Variants in FASTKD1 observed in about 807,000 individuals in gnomAD.
The protein encoded by FASTKD1 is FAST kinase domains 1, also known as FAST kinase domain-containing protein 1, mitochondrial.
In FASTKD1, 94 loss-of-function variants were observed where a neutral mutation model predicts 90.9. The observed-to-expected ratio is 1.03, with a 90% CI of 0.88 to 1.23. FASTKD1 has a LOEUF of 1.23. Among genes scored for constraint, FASTKD1 ranks in the 50% most tolerant of loss-of-function variants. The pLI, the probability that FASTKD1 is intolerant of heterozygous loss-of-function variation, is 0.00. For missense variants in FASTKD1, 945 were observed against 993.5 expected (o/e 0.95, Z 0.66); for synonymous variants, 319 against 345.8 (o/e 0.92, Z 0.86).
intron 12 of FASTKD1, among the ~76,000 whole-genome samples, chr2:169,536,614 T>C (rs947510665): frequency 3.3e-5 from 5 of 152,210 alleles, no homozygotes; most frequent in African/African-American, 1.2e-4. Flanking sequence ...ATGTTAATTA[T>C]CTTGAAATTT....
intron 7 of FASTKD1, among the ~76,000 whole-genome samples, chr2:169,547,754 G>A (rs995152701): frequency 6.6e-6 from 1 of 151,540 alleles, no homozygotes; most frequent in Non-Finnish European, 1.5e-5. Flanking sequence ...GCATGGTGAT[G>A]TGCACCTGTA....
chr2:169,558,792 T>G (rs1034688748), intron 5 of FASTKD1, among the ~76,000 whole-genome samples: 3 of 151,768 alleles, frequency 2.0e-5, no homozygotes, highest in Non-Finnish European at 2.9e-5. Context: ...TTTCACCATG[T>G]TGGCCAGGCT....
At chr2:169,551,180 G>A (rs1685474411) in intron 7 of FASTKD1, among the ~76,000 whole-genome samples, 1 of 152,142 alleles carries the variant, frequency 6.6e-6, no homozygotes, top group African/African-American at 2.4e-5. Flanking sequence ...TGTACATTCT[G>A]TTAGTGGGAG....
At chr2:169,564,987 CTT>C (rs1683892310) in intron 3 of FASTKD1, among the ~76,000 whole-genome samples, 1 of 129,272 alleles carries the variant, frequency 7.7e-6, no homozygotes, top group Admixed American at 8.8e-5. Flanking sequence ...CAGTTTCGCT[CTT>C]GTTGCCCCAG....
intron 7 of FASTKD1, 27 bp from the exon 8 acceptor site, chr2:169,546,731 C>T: frequency 1.3e-6 from 2 of 1,573,650 alleles, no homozygotes; most frequent in African/African-American, 1.4e-5. Flanking sequence ...GAAAAGAATA[C>T]ATCAGCAACA....
chr2:169,530,249 G>T (rs1441112297), intron 14 of FASTKD1, among the ~76,000 whole-genome samples: 2 of 152,064 alleles, frequency 1.3e-5, no homozygotes, highest in Admixed American at 1.3e-4. Flanking sequence ...GTAAGATATA[G>T]AAATCATAAG....
chr2:169,571,817 T>C lies in FASTKD1; in HGVS notation c.213A>G (p.Ala71=), dbSNP rs749692287. The C allele has an allele frequency of 9.8e-5, 158 of 1,613,964 alleles. No individual in the cohort carries two copies. Among genetic ancestry groups the C allele is most frequent in the Non-Finnish European group, 1.3e-4 (157 of 1,179,994 alleles). ...TTTGAAGCTTCCAAAGCATATCAAA[T>C]GCACATCCCACTTGCTTTTCTGAAA... is the stretch of plus-strand genomic sequence containing the variant. ...AILSEKQVGC[A]FDMLWKLQKQ... is the part of the protein sequence containing the mutation. Residue 71 remains alanine (A), a synonymous_variant, in exon 2 of 15, where the codon GCA becomes GCG. Transcript: ENST00000453153.
rs758255578 is a variant in FASTKD1 at position 169,531,378 on chromosome 2, T to C, written c.2301A>G (p.Gly767=). 50 of 1,613,476 alleles carry C rather than the reference T, an allele frequency of 3.1e-5. No individual in the cohort carries two copies. Among genetic ancestry groups the C allele is most frequent in the Non-Finnish European group, 3.0e-5 (35 of 1,179,870 alleles). The change falls in exon 13 of 15, where the codon GGA becomes GGG. Residue 767 remains glycine, a synonymous_variant. Transcript: ENST00000453153. ...TTTCAGCCCCTGGTGGCAGCCTTGA[T>C]CCAACTATTTCGATATTTGATTCCC... The part of the protein sequence containing the change: ...MPWESNIEIV[G]SRLPPGAERI...
At chr2:169,549,849 C>T (rs1478940728) in intron 7 of FASTKD1, among the ~76,000 whole-genome samples, 3 of 152,156 alleles carry the variant, frequency 2.0e-5, no homozygotes, top group African/African-American at 7.2e-5. Context: ...TACAGGCATT[C>T]TCATTCACTA....
chr2:169,560,750 AAAG>A lies in FASTKD1; in HGVS notation c.605_607del (p.Ser202del). ...TTGTTGTTGAAAATGTCGTGATATTAAAGAAGATATGTTGACCATCAAGACAGA... is the reference window on the plus strand; with the variant it reads ...TTGTTGTTGAAAATGTCGTGATATTAAAGATATGTTGACCATCAAGACAGA... On this transcript the variant is annotated inframe_deletion, in exon 5 of 15. Transcript: ENST00000453153. 1.9e-6 allele frequency: 3 copies of A among 1,592,264 alleles called. No homozygotes were observed. Among genetic ancestry groups the A allele is most frequent in the Non-Finnish European group, 2.6e-6 (3 of 1,171,506 alleles).
chr2:169,547,390 A>G (rs992327361), intron 7 of FASTKD1, among the ~76,000 whole-genome samples: 1 of 152,104 alleles, frequency 6.6e-6, no homozygotes, highest in East Asian at 1.9e-4. Context: ...GGGATCTCTC[A>G]GGGGAGCGTC....
At chr2:169,545,933 TTTTC>T (rs1334767767) in intron 8 of FASTKD1, among the ~76,000 whole-genome samples, 2 of 151,342 alleles carry the variant, frequency 1.3e-5, no homozygotes, top group Non-Finnish European at 2.9e-5. Context: ...GAAACCAGAG[TTTTC>T]TTTGTTTTTC....
At chr2:169,549,213 G>T (rs1474626130) in intron 7 of FASTKD1, among the ~76,000 whole-genome samples, 1 of 152,110 alleles carries the variant, frequency 6.6e-6, no homozygotes. Flanking sequence ...TAACCAACAT[G>T]GAAAAACCCC....
In FASTKD1 at chr2:169,530,759, C is replaced by A. The variant is rs1334783247; in HGVS notation, c.2328-58G>T. On this transcript the variant is annotated intron_variant, in intron 13 of 14. Coordinates refer to ENST00000453153, the MANE Select transcript of FASTKD1 (RefSeq NM_024622.6). The stretch of plus-strand genomic sequence containing the variant: ...ATCAGAATAAGAAACTGAATAATTA[C>A]AAGCTTTTCAGAAACAAGATTGCAT... 2.3e-5 allele frequency: 21 copies of A among 904,110 alleles called. No homozygotes were observed. In the Middle Eastern group the frequency reaches 9.8e-4, roughly 42 times the overall value. 56.0% of individuals were successfully genotyped at this position (904,110 alleles called of 1,614,324 possible).
chr2:169,534,183 CAAAAAAAAAAAAAAA>C (rs71003097), intron 12 of FASTKD1, among the ~76,000 whole-genome samples: 64 of 46,328 alleles, frequency 1.4e-3, no homozygotes, highest in African/African-American at 5.7e-3. Flanking sequence ...GACCCTTTCT[CAAAAAAAAAAAAAAA>C]AAAAAAAAAA....
At chr2:169,530,258 A>G (rs902226958) in intron 14 of FASTKD1, among the ~76,000 whole-genome samples, 1 of 152,190 alleles carries the variant, frequency 6.6e-6, no homozygotes, top group African/African-American at 2.4e-5. Flanking sequence ...AGAAATCATA[A>G]GATATGGATA....
At chr2:169,532,186 G>A (rs938331799) in intron 12 of FASTKD1, among the ~76,000 whole-genome samples, 1 of 152,084 alleles carries the variant, frequency 6.6e-6, no homozygotes, top group Admixed American at 6.6e-5. Flanking sequence ...TTGGGAGGCC[G>A]AGGCAGGCAG....
At position 169,550,031 on chromosome 2, in the gene FASTKD1, C is replaced by CT. The variant is rs918548346; in HGVS notation, c.1215-3328dup. Among the ~76,000 whole-genome samples the CT allele has an allele frequency of 1.3e-3, 195 of 151,558 alleles. 1 individual carries two copies. The highest frequency in any genetic ancestry group is 3.2e-4 in the Non-Finnish European group (22 of 67,832). On this transcript the variant is annotated intron_variant, in intron 7 of 14. Coordinates refer to ENST00000453153, the MANE Select transcript of FASTKD1 (RefSeq NM_024622.6). ...GTAAAAGATGTGTGTTGTTATTCATCTTTTTTTTTCTTTTAAGAGGGAGTC... is the reference window on the plus strand; with the variant it reads ...GTAAAAGATGTGTGTTGTTATTCATCTTTTTTTTTTCTTTTAAGAGGGAGTC...
intron 10 of FASTKD1, 109 bp downstream of exon 10, chr2:169,539,942 T>C (rs1015669227): frequency 2.4e-5 from 14 of 588,994 alleles, no homozygotes; most frequent in African/African-American, 3.9e-5. Context: ...TGAATACTAT[T>C]AGAAACAGAA....
Sources: allele counts gnomAD v4.1 joint callset (sites outside exome capture counted in the v4.1 genomes callset), GRCh38; gene constraint gnomAD v4.1.1; transcripts MANE v1.5; gene names NCBI Gene and HGNC (gene_info 2026-07-23, HGNC 2026-07-21).